The following TUBGCP5 variants were observed in gnomAD, a reference collection of about 807,000 sequenced individuals.
TUBGCP5 encodes the protein tubulin gamma complex component 5.
Under a neutral mutation model 134.7 loss-of-function variants are expected in TUBGCP5, and 98 were observed. The observed-to-expected ratio is 0.73, with a 90% CI of 0.62 to 0.86. The LOEUF is 0.86. TUBGCP5 is among the 40% of genes least tolerant of loss of function. The pLI is 0.00. For synonymous variants in TUBGCP5, 456 were observed against 431.4 expected, an observed-to-expected ratio of 1.06 and a Z score of -0.71; for missense variants, 1,150 against 1,244.8, an observed-to-expected ratio of 0.92 and a Z score of 1.15.
At chr15:22,986,668 G>A (rs899752355) in intron 23 of TUBGCP5, among the ~76,000 whole-genome samples, 1 of 151,940 alleles carries the variant, frequency 6.6e-6, no homozygotes. Context: ...AACCCAGGAG[G>A]TGGAGGCTGC....
In TUBGCP5 at chr15:23,006,078, T is replaced by A. The variant is rs770324327; in HGVS notation, c.2507A>T (p.Tyr836Phe). 6.2e-7 allele frequency: 1 copy of A among 1,609,834 alleles called. No homozygotes were observed. The highest frequency in any genetic ancestry group is 8.5e-7 in the Non-Finnish European group (1 of 1,179,258). ...ACCAAAAAGTAAAACATCCAGACTA[T>A]ATTTTGCCCACTTTATTTGCAATAA... is the stretch of plus-strand genomic sequence containing the variant. ...LLLLQIKWAK[Y>F]SLDVLLFGEL... The change falls in exon 18 of 23, where the codon TAT becomes TTT. Residue 836 changes from tyrosine to phenylalanine, a missense_variant. This residue lies in a region of TUBGCP5 where 697 missense variants were observed against 850.1 expected (regional missense o/e 0.82). Transcript: ENST00000615383.
chr15:23,019,254 G>A lies in TUBGCP5; in HGVS notation c.1452C>T (p.His484=), dbSNP rs1381300109. 1 of 1,613,962 alleles carries A rather than the reference G, an allele frequency of 6.2e-7. No individual in the cohort carries two copies. Among genetic ancestry groups the A allele is most frequent in the South Asian group, 1.1e-5 (1 of 91,018 alleles). ...TGAACTCCCTGGCGCCATCCCACAG[G>A]TGCCCGTGCACGATCCACTCGTCCA... ...QTVDEWIVHG[H]LWDGAREFII... Residue 484 remains histidine (H), a synonymous_variant, in exon 12 of 23, where the codon CAC becomes CAT. Transcript: ENST00000615383.
chr15:23,032,261 G>A (rs1387368065), intron 4 of TUBGCP5, among the ~76,000 whole-genome samples: 1 of 152,134 alleles, frequency 6.6e-6, no homozygotes, highest in African/African-American at 2.4e-5. Flanking sequence ...AAGTTAGAAC[G>A]AATACAGTCA....
In TUBGCP5 at chr15:23,011,361, C is replaced by T. The variant is rs150522368; in HGVS notation, c.1757-30G>A. The T allele has an allele frequency of 5.8e-6, 9 of 1,550,612 alleles. No individual in the cohort carries two copies. In the African/African-American group the frequency reaches 8.2e-5, roughly 14 times the overall value. On this transcript the variant is annotated intron_variant, in intron 13 of 22. Transcript: ENST00000615383. ...AACATAAAGAAATATGTAAGGTGAA[C>T]TAAGTTCTGTTTAATCATATTAAGT...
intron 22 of TUBGCP5, 97 bp from the exon 23 acceptor site, chr15:22,999,963 T>G (rs2064276207): frequency 1.8e-6 from 2 of 1,119,244 alleles, no homozygotes; most frequent in Non-Finnish European, 2.7e-6. Context: ...CAGGCTGGAG[T>G]GCAATGGTAC....
At position 23,023,689 on chromosome 15, in the gene TUBGCP5, T is replaced by C. The variant is rs183090515; in HGVS notation, c.1168+258A>G. On this transcript the variant is annotated intron_variant, in intron 10 of 22. Transcript: ENST00000615383. The stretch of plus-strand genomic sequence containing the variant: ...AAGAAGCCAAGGACCTGGCTGTCTC[T>C]GGAGAGGAGAACTGACTGGCTGGGG... 6.1e-5 allele frequency: 21 copies of C among 342,798 alleles called. No homozygotes were observed. The East Asian group carries it at 7.9e-4, about 13-fold the overall frequency. The allele number at this position is 342,798 out of a possible 1,614,324, so 21.2% of individuals were successfully genotyped here.
chr15:23,033,436 G>A (rs180856849), intron 3 of TUBGCP5, among the ~76,000 whole-genome samples: 7 of 151,988 alleles, frequency 4.6e-5, no homozygotes, highest in African/African-American at 4.8e-5. Flanking sequence ...GCACCACCAC[G>A]CCCGGGTAAC....
intron 16 of TUBGCP5, 42 bp downstream of exon 16, chr15:23,008,657 C>T (rs773560928): frequency 2.5e-6 from 4 of 1,586,738 alleles, no homozygotes; most frequent in Non-Finnish European, 3.4e-6. Flanking sequence ...GCACATAGTT[C>T]ATGTTACACT....
intron 19 of TUBGCP5, 68 bp downstream of exon 19, chr15:23,005,358 TAGTATG>T: frequency 6.7e-7 from 1 of 1,499,134 alleles, no homozygotes; most frequent in South Asian, 1.3e-5. Context: ...CTTATAAACA[TAGTATG>T]AGTAATTCTC....
At chr15:23,020,487 G>A (rs1032597713) in intron 11 of TUBGCP5, among the ~76,000 whole-genome samples, 19 of 148,500 alleles carry the variant, frequency 1.3e-4, no homozygotes, top group African/African-American at 4.7e-4. Flanking sequence ...TCAGGGGGCT[G>A]AGGCAGAAGA....
chr15:23,033,580 GT>G (rs2140676016), intron 3 of TUBGCP5, among the ~76,000 whole-genome samples: 1 of 151,542 alleles, frequency 6.6e-6, no homozygotes, highest in South Asian at 2.1e-4. Flanking sequence ...CTTGGCTGTT[GT>G]TTCATAATTA....
At chr15:22,989,470 C>T (rs1433964960) in intron 23 of TUBGCP5, among the ~76,000 whole-genome samples, 1 of 119,096 alleles carries the variant, frequency 8.4e-6, no homozygotes, top group Non-Finnish European at 1.8e-5. Context: ...CACCACAACC[C>T]ACCCCCTGTT....
intron 23 of TUBGCP5, among the ~76,000 whole-genome samples, chr15:22,987,261 G>A (rs1451212490): frequency 6.6e-6 from 1 of 151,604 alleles, no homozygotes; most frequent in African/African-American, 2.4e-5. Flanking sequence ...TTGAATGGGG[G>A]AGGCGGAGGT....
intron 6 of TUBGCP5, 89 bp downstream of exon 6, chr15:23,030,796 T>C: frequency 1.3e-6 from 2 of 1,509,840 alleles, no homozygotes; most frequent in Non-Finnish European, 1.8e-6. Flanking sequence ...AGCCAATACC[T>C]TGATTACATG....
chr15:23,022,423 TACAG>T, intron 10 of TUBGCP5, among the ~76,000 whole-genome samples: 1 of 152,242 alleles, frequency 6.6e-6, no homozygotes, highest in South Asian at 2.1e-4. Flanking sequence ...TTCTAAAACA[TACAG>T]AAAGTCACTT....
chr15:23,016,363 G>A (rs543994963), intron 13 of TUBGCP5, among the ~76,000 whole-genome samples: 58 of 152,084 alleles, frequency 3.8e-4, no homozygotes, highest in African/African-American at 1.3e-3. Flanking sequence ...GTGTGGTGGC[G>A]GGTGCCTATA....
intron 5 of TUBGCP5, among the ~76,000 whole-genome samples, chr15:23,031,306 C>T (rs2066295803): frequency 6.6e-6 from 1 of 151,934 alleles, no homozygotes; most frequent in Non-Finnish European, 1.5e-5. Flanking sequence ...CTTGTACTCA[C>T]CCCTTTTAAC....
Position 23,000,659 on chromosome 15 carries a change from TAG to T in TUBGCP5, c.2936_2937del (p.Ser979TyrfsTer7). The T allele has an allele frequency of 1.2e-6, 2 of 1,601,598 alleles. No individual in the cohort carries two copies. The highest frequency in any genetic ancestry group is 1.7e-6 in the Non-Finnish European group (2 of 1,171,654). On this transcript the variant is annotated frameshift_variant, in exon 22 of 23. Coordinates refer to ENST00000615383, the MANE Select transcript of TUBGCP5 (RefSeq NM_052903.6). LOFTEE classifies it high-confidence loss of function. ...TTAAAATCAGATTCCATTTTCTCTA[TAG>T]ATTCCATTCTAGGAATAAAAGTAAA... is the stretch of plus-strand genomic sequence containing the variant. ...QAGLGTWRME[S>X]IEKMESDFKN...
rs767978140 is a variant in TUBGCP5 at position 23,039,544 on chromosome 15, G to A, written c.-1C>T. 9.6e-6 allele frequency: 14 copies of A among 1,453,208 alleles called. No homozygotes were observed. The highest frequency in any genetic ancestry group is 5.7e-5 in the East Asian group (2 of 34,880). The allele number at this position is 1,453,208 out of a possible 1,614,324, so 90.0% of individuals were successfully genotyped here. A position where few individuals can be genotyped will look rare whatever the true frequency, so the allele number is the denominator to read the frequency against. ...TCCACGGTGGCCCGTGCCGCGCCAT[G>A]TTCCGCGCTCCTGCAGCGCGCGTCT... On this transcript the variant is annotated 5_prime_UTR_variant, in exon 1 of 23. Transcript: ENST00000615383.
Sources: allele counts gnomAD v4.1 joint callset (sites outside exome capture counted in the v4.1 genomes callset), GRCh38; gene constraint gnomAD v4.1.1; regional missense constraint gnomAD v4.1.1; transcripts MANE v1.5; gene names NCBI Gene and HGNC (gene_info 2026-07-23, HGNC 2026-07-21).